Variants in LYPLAL1 observed in about 807,000 individuals in gnomAD.
LYPLAL1 encodes lysophospholipase-like protein 1.
Under a neutral mutation model 19.7 loss-of-function variants are expected in LYPLAL1, and 23 were observed. The observed-to-expected ratio is 1.17, with a 90% CI of 0.84 to 1.65. LYPLAL1 has a LOEUF of 1.65. Among genes scored for constraint, LYPLAL1 ranks in the 40% most tolerant of loss-of-function variants. The pLI, the probability that LYPLAL1 is intolerant of heterozygous loss-of-function variation, is 0.00. For synonymous variants in LYPLAL1, 119 were observed against 96.3 expected (o/e 1.24, Z -1.38); for missense variants, 355 against 279.4 (o/e 1.27, Z -1.93).
chr1:219,318,589 A>G, the LYPLAL1 span, among the ~76,000 whole-genome samples: 1 of 152,240 alleles, frequency 6.6e-6, no homozygotes, highest in Non-Finnish European at 1.5e-5. Flanking sequence ...TGATTAGAAA[A>G]TAGAAATATC....
the LYPLAL1 span, among the ~76,000 whole-genome samples, chr1:219,268,389 C>T: frequency 2.6e-5 from 4 of 152,134 alleles, no homozygotes. Context: ...GTAGCTAGCA[C>T]AAAGGTGCTA....
chr1:219,244,911 C>A, the LYPLAL1 span, among the ~76,000 whole-genome samples: 803 of 122,802 alleles, frequency 6.5e-3, no homozygotes, highest in Middle Eastern at 8.3e-3. Flanking sequence ...CATGCCACTG[C>A]AAAAAAAAAA....
the LYPLAL1 span, among the ~76,000 whole-genome samples, chr1:219,237,201 C>A: frequency 6.6e-6 from 1 of 152,152 alleles, no homozygotes; most frequent in East Asian, 1.9e-4. Flanking sequence ...TTTTAGTGAG[C>A]TATTGTGCTA....
chr1:219,308,336 A>G, the LYPLAL1 span, among the ~76,000 whole-genome samples: 1 of 152,224 alleles, frequency 6.6e-6, no homozygotes, highest in South Asian at 2.1e-4. Context: ...ACAATGTGAT[A>G]GAAAAGAAAA....
the LYPLAL1 span, among the ~76,000 whole-genome samples, chr1:219,331,005 G>T: frequency 1.7e-4 from 26 of 152,266 alleles, 2 homozygotes; most frequent in South Asian, 4.4e-3. Flanking sequence ...TGTTGTAAAG[G>T]CTTCTCAGCT....
At chr1:219,178,822 A>G (rs1477646737) in intron 1 of LYPLAL1, among the ~76,000 whole-genome samples, 1 of 152,120 alleles carries the variant, frequency 6.6e-6, no homozygotes. Context: ...ACAGAAATAA[A>G]ATTTTTTTTA....
intron 1 of LYPLAL1, chr1:219,175,178 T>C (rs1034798510): frequency 2.4e-5 from 20 of 827,024 alleles, no homozygotes; most frequent in Admixed American, 6.2e-5. Flanking sequence ...CTGTGAGTAG[T>C]GGCGGATTTG....
the LYPLAL1 span, among the ~76,000 whole-genome samples, chr1:219,254,390 T>G: frequency 6.6e-6 from 1 of 152,018 alleles, no homozygotes; most frequent in Non-Finnish European, 1.5e-5. Flanking sequence ...TCTGTGGGTT[T>G]AAGTGTGTTT....
At chr1:219,364,649 A>AT in the LYPLAL1 span, among the ~76,000 whole-genome samples, 1 of 152,184 alleles carries the variant, frequency 6.6e-6, no homozygotes, top group Non-Finnish European at 1.5e-5. Context: ...TTCAATAAAT[A>AT]TTTTTTGGGG....
chr1:219,267,830 G>A, the LYPLAL1 span, among the ~76,000 whole-genome samples: 1 of 152,152 alleles, frequency 6.6e-6, no homozygotes, highest in Non-Finnish European at 1.5e-5. Flanking sequence ...GCTTCCAGCA[G>A]GATCATCTGA....
chr1:219,349,684 C>T, the LYPLAL1 span, among the ~76,000 whole-genome samples: 2 of 152,028 alleles, frequency 1.3e-5, no homozygotes, highest in African/African-American at 4.8e-5. Flanking sequence ...AAGAGGGCAG[C>T]ATGAAAACAA....
At chr1:219,363,095 C>T in the LYPLAL1 span, among the ~76,000 whole-genome samples, 1 of 152,096 alleles carries the variant, frequency 6.6e-6, no homozygotes, top group Non-Finnish European at 1.5e-5. Context: ...ACCAAACAAG[C>T]CTACCTATGT....
the LYPLAL1 span, among the ~76,000 whole-genome samples, chr1:219,233,467 G>A: frequency 3.3e-5 from 5 of 152,090 alleles, no homozygotes; most frequent in African/African-American, 4.8e-5. Context: ...ACTTAAAAAT[G>A]GTTAAGATGG....
chr1:219,184,096 C>T (rs1656520684), intron 2 of LYPLAL1, among the ~76,000 whole-genome samples: 1 of 151,714 alleles, frequency 6.6e-6, no homozygotes, highest in Admixed American at 6.6e-5. Flanking sequence ...TACAAAACAC[C>T]TGTTTGGATT....
rs376284160 is a variant in LYPLAL1, at chr1:219,189,218, C to T, written c.192-3864C>T. 1.8e-4 allele frequency among the ~76,000 whole-genome samples: 27 copies of T among 151,646 alleles called. No homozygotes were observed. The South Asian group carries it at 5.6e-3, about 32-fold the overall frequency. On this transcript the variant is annotated intron_variant, in intron 2 of 4. Coordinates refer to ENST00000366928, the MANE Select transcript of LYPLAL1 (RefSeq NM_138794.5). Reference sequence around the variant, plus strand: ...TTCACATTTTAGCCTATGATATCATCCTTATTTAAGTATTTAGACAGACAA... The same window carrying T: ...TTCACATTTTAGCCTATGATATCATTCTTATTTAAGTATTTAGACAGACAA...
chr1:219,415,518 T>C, the LYPLAL1 span, among the ~76,000 whole-genome samples: 1 of 152,228 alleles, frequency 6.6e-6, no homozygotes, highest in African/African-American at 2.4e-5. Context: ...ATTGCCATCA[T>C]AAACCAAGCA....
chr1:219,411,162 G>T, the LYPLAL1 span, among the ~76,000 whole-genome samples: 9 of 122,042 alleles, frequency 7.4e-5, 1 homozygote, highest in African/African-American at 2.6e-4. Flanking sequence ...CTCAGGGATT[G>T]TAAATACACC....
At chr1:219,266,403 T>G in the LYPLAL1 span, among the ~76,000 whole-genome samples, 1 of 152,154 alleles carries the variant, frequency 6.6e-6, no homozygotes, top group Non-Finnish European at 1.5e-5. Flanking sequence ...CACTAGAAGT[T>G]CTTCAGAGGT....
chr1:219,319,367 C>T, the LYPLAL1 span, among the ~76,000 whole-genome samples: 331 of 152,196 alleles, frequency 2.2e-3, 14 homozygotes, highest in East Asian at 0.058. Flanking sequence ...GAACCCAGAT[C>T]TGTGAGATGT....
Sources: gnomAD v4.1 joint callset for allele counts (sites outside exome capture counted in the v4.1 genomes callset) on GRCh38, gnomAD v4.1.1 for gene constraint, MANE v1.5 for transcripts, NCBI Gene and HGNC (gene_info 2026-07-23, HGNC 2026-07-21) for gene names.